The following SOD2 variants were observed in gnomAD, a reference collection of about 807,000 sequenced individuals.
SOD2 encodes the protein superoxide dismutase 2.
A neutral mutation model predicts 27.0 loss-of-function variants in SOD2; 11 were observed. The ratio of observed to expected loss-of-function variants is 0.41; its 90% CI spans 0.26 to 0.67. The LOEUF (loss-of-function observed/expected upper bound fraction) is 0.67. Ranked by LOEUF, SOD2 falls within the 30% of genes least tolerant of loss-of-function variation. The pLI is 0.34. For synonymous variants in SOD2, 105 were observed against 103.0 expected, an observed-to-expected ratio of 1.02 and a Z score of -0.12; for missense variants, 250 against 274.5, an observed-to-expected ratio of 0.91 and a Z score of 0.63.
chr6:159,692,419 G>GCT (rs748363928), intron 2 of SOD2: 648 of 1,403,210 alleles, frequency 4.6e-4, no homozygotes, highest in Non-Finnish European at 5.6e-4. Context: ...AGTAAGGCAA[G>GCT]CTCCTTCGCA....
chr6:159,702,814 C>T (rs1004083331), intron 1 of SOD2, among the ~76,000 whole-genome samples: 19 of 137,990 alleles, frequency 1.4e-4, no homozygotes, highest in African/African-American at 4.9e-4. Context: ...GGCACCACTG[C>T]ACTCCAGCCT....
chr6:159,734,538 G>A (rs753992573), intron 1 of SOD2, among the ~76,000 whole-genome samples: 9 of 152,100 alleles, frequency 5.9e-5, no homozygotes, highest in Non-Finnish European at 8.8e-5. Context: ...AGGGCTGGGC[G>A]TGATCCTTCC....
chr6:159,707,630 T>G (rs187643417), intron 1 of SOD2, among the ~76,000 whole-genome samples: 1 of 152,050 alleles, frequency 6.6e-6, no homozygotes, highest in African/African-American at 2.4e-5. Context: ...AATTAATAGC[T>G]TACCAACCAA....
chr6:159,692,846 G>A lies in SOD2; in HGVS notation c.41C>T (p.Ala14Val). 6.2e-7 allele frequency: 1 copy of A among 1,610,624 alleles called. No homozygotes were observed. Residue 14 changes from alanine to valine, a missense_variant, in exon 2 of 5, where the codon GCT becomes GTT. Physicochemically the swap from Ala to Val is moderately conservative, Grantham distance 64. Transcript: ENST00000538183. ...RAVCGTSRQL[A>V]PVLGYLGSRQ... ...GGAGCCCAGATACCCCAAAACCGGA[G>A]CCAGCTGCCTGCTGGTGCTGAAGAC... is the stretch of plus-strand genomic sequence containing the variant.
intron 1 of SOD2, among the ~76,000 whole-genome samples, chr6:159,710,764 T>C (rs1562436389): frequency 7.2e-6 from 1 of 138,710 alleles, no homozygotes; most frequent in Non-Finnish European, 1.6e-5. Flanking sequence ...CATACTGCTC[T>C]GACCTCCATA....
chr6:159,753,701 T>G, intron 1 of SOD2: 4 of 1,466,764 alleles, frequency 2.7e-6, no homozygotes, highest in Non-Finnish European at 3.7e-6. Context: ...TAGGTTAGAT[T>G]CTGTACATTG....
At chr6:159,706,328 G>A (rs1324010461) in intron 1 of SOD2, among the ~76,000 whole-genome samples, 1 of 152,072 alleles carries the variant, frequency 6.6e-6, no homozygotes, top group Admixed American at 6.6e-5. Context: ...CTGGCAAATT[G>A]GATAAAGAGT....
chr6:159,723,627 A>G (rs139713667), intron 1 of SOD2, among the ~76,000 whole-genome samples: 1 of 152,226 alleles, frequency 6.6e-6, no homozygotes, highest in Non-Finnish European at 1.5e-5. Context: ...ATCCTGGTTC[A>G]GCCAGGACTG....
rs1202729216 is a variant in SOD2 at position 159,669,941 on chromosome 6, T to G, written c.*12552A>C. 3 of 152,206 alleles carry G rather than the reference T, an allele frequency of 2.0e-5. No homozygotes were observed. Among genetic ancestry groups the G allele is most frequent in the African/African-American group, 7.2e-5 (3 of 41,456 alleles). The allele number at this position is 152,206 out of a possible 1,614,324, so 9.4% of individuals were successfully genotyped here. A position where few individuals can be genotyped will look rare whatever the true frequency, so the allele number is the denominator to read the frequency against. On this transcript the variant is annotated 3_prime_UTR_variant, in exon 5 of 5. Transcript: ENST00000538183. The stretch of plus-strand genomic sequence containing the variant: ...CTTTTAAGTGGGAGAATTTAATCCA[T>G]TTACATTCAAAGTTATCATCAATAG...
chr6:159,718,399 C>T, intron 1 of SOD2, among the ~76,000 whole-genome samples: 1 of 151,968 alleles, frequency 6.6e-6, no homozygotes, highest in East Asian at 1.9e-4. Flanking sequence ...CATGGGAACG[C>T]AGATATCTCA....
intron 1 of SOD2, among the ~76,000 whole-genome samples, chr6:159,725,355 C>T (rs1374831331): frequency 6.6e-6 from 1 of 151,976 alleles, no homozygotes; most frequent in Admixed American, 6.6e-5. Flanking sequence ...GTGGCGCATG[C>T]CTGTAATCCC....
chr6:159,752,923 G>T (rs565440336), intron 1 of SOD2, among the ~76,000 whole-genome samples: 1 of 152,180 alleles, frequency 6.6e-6, no homozygotes, highest in Non-Finnish European at 1.5e-5. Flanking sequence ...TTTTTGTAGA[G>T]TTGGAGTCTA....
At chr6:159,747,668 G>A (rs1386179546), upstream of SOD2, among the ~76,000 whole-genome samples, 4 of 152,036 alleles carry the variant, frequency 2.6e-5, no homozygotes, top group Non-Finnish European at 4.4e-5. Flanking sequence ...ATTTCCACAG[G>A]TAAAAAATTA....
upstream of SOD2, among the ~76,000 whole-genome samples, chr6:159,697,034 G>GACACACACACAC (rs35334577): frequency 0.011 from 1,479 of 132,688 alleles, 16 homozygotes; most frequent in Non-Finnish European, 0.013. Context: ...AGGAGACCCT[G>GACACACACACAC]ACACACACAC....
intron 1 of SOD2, among the ~76,000 whole-genome samples, chr6:159,750,562 T>C (rs1779780788): frequency 6.6e-6 from 1 of 152,248 alleles, no homozygotes; most frequent in Non-Finnish European, 1.5e-5. Context: ...TATACAGTTA[T>C]TTTATGTATA....
chr6:159,685,244 T>C (rs13210757), intron 3 of SOD2, among the ~76,000 whole-genome samples: 7 of 136,560 alleles, frequency 5.1e-5, no homozygotes, highest in Non-Finnish European at 7.8e-5. Context: ...TTTTTTTTTT[T>C]CATTTTTTAC....
intron 1 of SOD2, chr6:159,755,732 T>G: frequency 1.9e-5 from 24 of 1,243,688 alleles, no homozygotes; most frequent in Non-Finnish European, 2.4e-5. Context: ...GGTTTTTTTT[T>G]GTTGTTTTTT....
exon 1 of SOD2, chr6:159,761,973 G>A (rs751218034): frequency 5.7e-5 from 70 of 1,218,144 alleles, no homozygotes; most frequent in Non-Finnish European, 7.8e-5. Flanking sequence ...CGGGGAGGTG[G>A]AGGGCGAGGG....
rs1433130025 is a variant in SOD2 at position 159,680,331 on chromosome 6, T to C, written c.*2162A>G. ...AATCTTACATGACACATAAAAGCTG[T>C]TTCACTGTGACACATATATAATGAA... On this transcript the variant is annotated 3_prime_UTR_variant, in exon 5 of 5. Coordinates refer to ENST00000538183, the MANE Select transcript of SOD2 (RefSeq NM_000636.4). 1 of 152,136 alleles carries C rather than the reference T, an allele frequency of 6.6e-6. No individual in the cohort carries two copies. The highest frequency in any genetic ancestry group is 2.4e-5 in the African/African-American group (1 of 41,418). The allele number at this position is 152,136 out of a possible 1,614,324, so 9.4% of individuals were successfully genotyped here.
Sources: allele counts gnomAD v4.1 joint callset (sites outside exome capture counted in the v4.1 genomes callset), GRCh38; gene constraint gnomAD v4.1.1; transcripts MANE v1.5; gene names NCBI Gene and HGNC (gene_info 2026-07-23, HGNC 2026-07-21).